The following DCLRE1A variants were observed in gnomAD, a reference collection of about 807,000 sequenced individuals.
DCLRE1A encodes DNA cross-link repair 1A, also known as DNA cross-link repair 1A protein.
A neutral mutation model predicts 91.9 loss-of-function variants in DCLRE1A; 64 were observed. That is an observed-to-expected ratio of 0.70 (90% CI 0.57 to 0.86). DCLRE1A has a LOEUF of 0.86. Ranked by LOEUF, DCLRE1A falls within the 40% of genes least tolerant of loss-of-function variation. DCLRE1A has a pLI of 0.00. For synonymous variants in DCLRE1A, 416 were observed against 431.1 expected (o/e 0.96, Z 0.43); for missense variants, 1,145 against 1,213.3 (o/e 0.94, Z 0.84).
upstream of DCLRE1A, chr10:113,854,335 T>C (rs1337330291): frequency 6.6e-6 from 1 of 152,300 alleles, no homozygotes; most frequent in Admixed American, 6.5e-5. Context: ...TCTCTGGAGG[T>C]TATCCCTACC....
chr10:113,840,217 C>A (rs904269333), intron 7 of DCLRE1A, among the ~76,000 whole-genome samples: 1 of 151,586 alleles, frequency 6.6e-6, no homozygotes, highest in African/African-American at 2.4e-5. Context: ...TCGTTTGAAC[C>A]TGGGAGGCAG....
At position 113,850,720 on chromosome 10, in the gene DCLRE1A, TG is replaced by T. The variant is rs1589528879; in HGVS notation, c.461-77del. The T allele has an allele frequency of 8.2e-6, 10 of 1,216,246 alleles. No homozygotes were observed. In the East Asian group the frequency reaches 2.5e-4, roughly 31 times the overall value. The allele number at this position is 1,216,246 out of a possible 1,614,324, so 75.3% of individuals were successfully genotyped here. ...CTTTGACAACATTAGCAGTATAAATTGGGTTCCATTATTTAATATCCACATT... is the reference window on the plus strand; with the variant it reads ...CTTTGACAACATTAGCAGTATAAATTGGTTCCATTATTTAATATCCACATT... On this transcript the variant is annotated intron_variant, in intron 1 of 8. Coordinates refer to ENST00000361384, the MANE Select transcript of DCLRE1A (RefSeq NM_014881.5).
Position 113,849,025 on chromosome 10 carries a change from C to T in DCLRE1A, c.2080G>A (p.Gly694Arg). 1 of 1,614,004 alleles carries T rather than the reference C, an allele frequency of 6.2e-7. No homozygotes were observed. The highest frequency in any genetic ancestry group is 8.5e-7 in the Non-Finnish European group (1 of 1,179,970). ...NKKIPESSNV[G>R]GSRKKTCPFY... ...GGACATGTCTTTTTTCTTGATCCTC[C>T]TACATTAGATGACTCTGGGATTTTC... The change falls in exon 2 of 9, where the codon GGA becomes AGA. Residue 694 changes from glycine to arginine, a missense_variant. Gly to Arg is a moderately radical substitution (Grantham distance 125). Transcript: ENST00000361384.
At chr10:113,843,994 A>G in intron 5 of DCLRE1A, 110 bp downstream of exon 5, 1 of 1,444,096 alleles carries the variant, frequency 6.9e-7, no homozygotes, top group Non-Finnish European at 9.3e-7. Context: ...TCCCTCTGAT[A>G]AAGAGCCTTA....
At position 113,837,218 on chromosome 10, in the gene DCLRE1A, T is replaced by C. The variant is rs1452670617; in HGVS notation, c.2821-15A>G. On this transcript the variant is annotated splice_polypyrimidine_tract_variant and intron_variant, in intron 7 of 8. Coordinates refer to ENST00000361384, the MANE Select transcript of DCLRE1A (RefSeq NM_014881.5). Reference sequence around the variant, plus strand: ...CTCTGTAAGCCCTGTTAAATTAAAATAGCATATTGAGGTCAATGGAGACGA... The same window carrying C: ...CTCTGTAAGCCCTGTTAAATTAAAACAGCATATTGAGGTCAATGGAGACGA... 5.6e-6 allele frequency: 9 copies of C among 1,604,124 alleles called. No homozygotes were observed. The highest frequency in any genetic ancestry group is 7.6e-6 in the Non-Finnish European group (9 of 1,176,676).
At chr10:113,851,154 G>C (rs1024972347) in intron 1 of DCLRE1A, among the ~76,000 whole-genome samples, 5 of 152,162 alleles carry the variant, frequency 3.3e-5, no homozygotes, top group African/African-American at 4.8e-5. Context: ...AATTTTTTGA[G>C]GTGGCTTCAT....
chr10:113,835,512 C>T (rs552473417), intron 8 of DCLRE1A, among the ~76,000 whole-genome samples, 200 bp from the exon 9 acceptor site: 1 of 152,284 alleles, frequency 6.6e-6, no homozygotes, highest in Admixed American at 6.5e-5. Flanking sequence ...TAAAATGATA[C>T]CAATACGGTT....
At chr10:113,851,410 TTGAG>T (rs1485550023) in intron 1 of DCLRE1A, among the ~76,000 whole-genome samples, 5 of 152,160 alleles carry the variant, frequency 3.3e-5, no homozygotes, top group African/African-American at 1.2e-4. Context: ...GAAAGCCATA[TTGAG>T]TATTTTTTTA....
intron 4 of DCLRE1A, 74 bp from the exon 5 acceptor site, chr10:113,844,318 A>G (rs138176627): frequency 6.4e-7 from 1 of 1,559,216 alleles, no homozygotes; most frequent in East Asian, 2.3e-5. Context: ...TTCAATATCA[A>G]CAAGTTAGCA....
intron 7 of DCLRE1A, among the ~76,000 whole-genome samples, chr10:113,839,323 T>C (rs59682205): frequency 0.095 from 3,345 of 35,050 alleles, 205 homozygotes; most frequent in African/African-American, 0.26. Flanking sequence ...AGACCCTGTC[T>C]CAAAAAAAAA....
At chr10:113,846,953 A>G (rs950959353) in intron 3 of DCLRE1A, among the ~76,000 whole-genome samples, 1 of 152,196 alleles carries the variant, frequency 6.6e-6, no homozygotes, top group Non-Finnish European at 1.5e-5. Context: ...TAACTAAATG[A>G]AATTTCTTGT....
chr10:113,848,664 C>T (rs1331479565), intron 2 of DCLRE1A, among the ~76,000 whole-genome samples: 3 of 152,132 alleles, frequency 2.0e-5, no homozygotes, highest in East Asian at 3.9e-4. Flanking sequence ...TACAGAGATG[C>T]CTTTCCTCCT....
Position 113,844,191 on chromosome 10 carries a change from A to G in DCLRE1A, c.2432T>C (p.Leu811Ser). 1.2e-6 allele frequency: 2 copies of G among 1,614,224 alleles called. No individual in the cohort carries two copies. Among genetic ancestry groups the G allele is most frequent in the East Asian group, 2.2e-5 (1 of 44,884 alleles). ...LFYLPNGTVI[L>S]HTGDFRADPS... ...ATCTGCTCTGAAGTCTCCCGTGTGT[A>G]ATATGACAGTACCATTAGGAAGATA... The change falls in exon 5 of 9, where the codon TTA becomes TCA. Residue 811 changes from leucine to serine, a missense_variant. By Grantham distance (145) the Leu-to-Ser change is moderately radical (BLOSUM62 -2). Transcript: ENST00000361384.
intron 3 of DCLRE1A, among the ~76,000 whole-genome samples, chr10:113,846,636 C>A (rs987488221): frequency 1.3e-5 from 2 of 152,066 alleles, no homozygotes; most frequent in Non-Finnish European, 2.9e-5. Context: ...GGTTCCAGGA[C>A]CCCCTGAGGA....
At chr10:113,841,659 G>A in intron 6 of DCLRE1A, 99 bp from the exon 7 acceptor site, 2 of 1,276,800 alleles carry the variant, frequency 1.6e-6, no homozygotes, top group South Asian at 1.6e-5. Flanking sequence ...CCAAATAAAA[G>A]GAAATTCAAA....
At chr10:113,836,925 G>A (rs182877507) in intron 8 of DCLRE1A, 137 bp downstream of exon 8, 1 of 744,540 alleles carries the variant, frequency 1.3e-6, no homozygotes, top group East Asian at 2.8e-5. Context: ...CAGGATTAGA[G>A]TTGTAGAGAG....
intron 7 of DCLRE1A, among the ~76,000 whole-genome samples, chr10:113,840,315 A>G (rs7897953): frequency 6.6e-6 from 1 of 151,936 alleles, no homozygotes; most frequent in African/African-American, 2.4e-5. Flanking sequence ...AAAACAACAA[A>G]AAAAAAAGTT....
chr10:113,847,332 G>C lies in DCLRE1A; in HGVS notation c.2129C>G (p.Thr710Ser). The change falls in exon 3 of 9, where the codon ACC becomes AGC. Residue 710 changes from threonine (T) to serine (S), a missense_variant. Transcript: ENST00000361384. The part of the protein sequence containing the change: ...TCPFYKKIPG[T>S]GFTVDAFQYG... ...CTGAAAGGCATCAACTGTAAAGCCGGTTCCTGCAATAAAAATACCGACACA... is the reference window on the plus strand; with the variant it reads ...CTGAAAGGCATCAACTGTAAAGCCGCTTCCTGCAATAAAAATACCGACACA... 6.2e-7 allele frequency: 1 copy of C among 1,613,316 alleles called. No individual in the cohort carries two copies.
rs1258697452 is a variant in DCLRE1A at position 113,850,201 on chromosome 10, G to C, written c.904C>G (p.Pro302Ala). ...DFSDCEISYSPLQSDEDTHDI... is the reference protein window; with the variant it reads ...DFSDCEISYSALQSDEDTHDI... ...TGAGTGTCTTCATCACTTTGAAGTGGAGAATAGGAGATTTCACAGTCACTG... is the reference window on the plus strand; with the variant it reads ...TGAGTGTCTTCATCACTTTGAAGTGCAGAATAGGAGATTTCACAGTCACTG... Residue 302 changes from proline (P) to alanine (A), a missense_variant, in exon 2 of 9, where the codon CCA becomes GCA. Pro to Ala is a conservative substitution (Grantham distance 27). Coordinates refer to ENST00000361384, the MANE Select transcript of DCLRE1A (RefSeq NM_014881.5). 8 of 1,614,140 alleles carry C rather than the reference G, an allele frequency of 5.0e-6. No homozygotes were observed. Among genetic ancestry groups the C allele is most frequent in the Non-Finnish European group, 6.8e-6 (8 of 1,180,020 alleles).
Sources: gnomAD v4.1 joint callset for allele counts (sites outside exome capture counted in the v4.1 genomes callset) on GRCh38, gnomAD v4.1.1 for gene constraint, MANE v1.5 for transcripts, NCBI Gene and HGNC (gene_info 2026-07-23, HGNC 2026-07-21) for gene names.